The following PLA2G4A variants were observed in gnomAD, a reference collection of about 807,000 sequenced individuals.
PLA2G4A encodes the protein cytosolic phospholipase A2.
Under a neutral mutation model 81.9 loss-of-function variants are expected in PLA2G4A, and 40 were observed. The ratio of observed to expected loss-of-function variants is 0.49; its 90% CI spans 0.38 to 0.64. The LOEUF (loss-of-function observed/expected upper bound fraction) is 0.64, where lower values mean the gene tolerates loss of function less well. Among genes scored for constraint, PLA2G4A ranks in the 30% least tolerant of loss-of-function variants. The pLI is 0.00. For missense variants in PLA2G4A, 715 were observed against 905.1 expected (o/e 0.79, Z 2.69); for synonymous variants, 302 against 296.9 (o/e 1.02, Z -0.18).
intron 3 of PLA2G4A, among the ~76,000 whole-genome samples, chr1:186,881,488 G>A (rs960772488): frequency 6.6e-6 from 1 of 151,914 alleles, no homozygotes; most frequent in African/African-American, 2.4e-5. Context: ...CAATTCCCAG[G>A]AATTGTCTTT....
chr1:186,863,765 T>A (rs1481109348), intron 2 of PLA2G4A, among the ~76,000 whole-genome samples: 39 of 144,960 alleles, frequency 2.7e-4, no homozygotes, highest in East Asian at 2.5e-3. Context: ...TATATAATTT[T>A]TTTTTTTTTT....
chr1:186,904,917 C>T (rs754885785), intron 5 of PLA2G4A, among the ~76,000 whole-genome samples: 4 of 152,014 alleles, frequency 2.6e-5, no homozygotes, highest in African/African-American at 9.7e-5. Flanking sequence ...TACAGTGGCG[C>T]GATCTCAGCT....
chr1:186,834,192 G>C (rs1651696426), intron 1 of PLA2G4A, among the ~76,000 whole-genome samples: 1 of 151,442 alleles, frequency 6.6e-6, no homozygotes, highest in African/African-American at 2.4e-5. Flanking sequence ...TTTACAAGCT[G>C]TTTTCTCACT....
At position 186,939,230 on chromosome 1, in the gene PLA2G4A, T is replaced by G; in HGVS notation, c.918T>G (p.Asn306Lys). 7.1e-7 allele frequency: 1 copy of G among 1,413,610 alleles called. No homozygotes were observed. The highest frequency in any genetic ancestry group is 1.1e-5 in the South Asian group (1 of 87,060). The allele number at this position is 1,413,610 out of a possible 1,614,324, so 87.6% of individuals were successfully genotyped here. A position where few individuals can be genotyped will look rare whatever the true frequency, so the allele number is the denominator to read the frequency against. Residue 306 changes from asparagine (N) to lysine (K), a missense_variant and splice_region_variant, in exon 9 of 18, where the codon AAT (asparagine) becomes AAG (lysine). By Grantham distance (94) the Asn-to-Lys change is moderately conservative. Coordinates refer to ENST00000367466, the MANE Select transcript of PLA2G4A (RefSeq NM_024420.3). ...GMLIGETLIH[N>K]RMNTTLSSLK... ...TAATAGGAGAAACACTAATTCATAA[T>G]GTAAGTTACAGTTCAATCTACACTG...
At chr1:186,952,770 C>G (rs866722504) in intron 13 of PLA2G4A, among the ~76,000 whole-genome samples, 23 of 114,086 alleles carry the variant, frequency 2.0e-4, no homozygotes, top group African/African-American at 7.5e-4. Context: ...CATAGTTTTG[C>G]CTTTTCCAGA....
intron 7 of PLA2G4A, among the ~76,000 whole-genome samples, chr1:186,924,541 A>G (rs899511423): frequency 6.6e-6 from 1 of 151,964 alleles, no homozygotes; most frequent in African/African-American, 2.4e-5. Flanking sequence ...TCCTCAAGTC[A>G]TAGTCCTAGG....
intron 14 of PLA2G4A, among the ~76,000 whole-genome samples, chr1:186,959,160 G>T (rs1386420612): frequency 1.3e-5 from 2 of 151,194 alleles, no homozygotes. Flanking sequence ...AATGTGCTTG[G>T]TTCTGCACTC....
chr1:186,839,610 G>A (rs1651905822), intron 1 of PLA2G4A, among the ~76,000 whole-genome samples: 1 of 152,118 alleles, frequency 6.6e-6, no homozygotes, highest in Non-Finnish European at 1.5e-5. Context: ...GCTACTCAAA[G>A]GTAGAGGCAA....
At position 186,893,493 on chromosome 1, in the gene PLA2G4A, T is replaced by A. The variant is rs570217658; in HGVS notation, c.264+334T>A. ...TGAAAATTAATTTTTCCCAAAATAT[T>A]TGTATCGATTTTCTGCATTAATATC... On this transcript the variant is annotated intron_variant, in intron 4 of 17. Transcript: ENST00000367466. Among the ~76,000 whole-genome samples the A allele has an allele frequency of 4.6e-5, 7 of 152,336 alleles. No homozygotes were observed. The South Asian group carries it at 1.4e-3, about 32-fold the overall frequency.
At chr1:186,862,035 TA>T (rs1652822314) in intron 2 of PLA2G4A, among the ~76,000 whole-genome samples, 1 of 150,228 alleles carries the variant, frequency 6.7e-6, no homozygotes, top group Non-Finnish European at 1.5e-5. Context: ...GTAGAAATAA[TA>T]AAAATATTGA....
At chr1:186,880,172 T>C (rs1653676243) in intron 3 of PLA2G4A, among the ~76,000 whole-genome samples, 1 of 152,028 alleles carries the variant, frequency 6.6e-6, no homozygotes, top group Non-Finnish European at 1.5e-5. Flanking sequence ...TGAAATGGGC[T>C]TAAATAACCC....
Position 186,878,371 on chromosome 1 carries a change from G to T in PLA2G4A, c.115+7855G>T, listed in dbSNP as rs182559078. Among the ~76,000 whole-genome samples the T allele has an allele frequency of 3.5e-5, 5 of 142,898 alleles. No individual in the cohort carries two copies. In the Admixed American group the frequency reaches 3.6e-4, roughly 10 times the overall value. The allele number at this position is 142,898 out of a possible 152,430, so 93.7% of individuals were successfully genotyped here. On this transcript the variant is annotated intron_variant, in intron 3 of 17. Coordinates refer to ENST00000367466, the MANE Select transcript of PLA2G4A (RefSeq NM_024420.3). ...ATATATATATAAATATATCTTTTCTGATATAAATATTTCCTTAAATCAGTC... is the reference window on the plus strand; with the variant it reads ...ATATATATATAAATATATCTTTTCTTATATAAATATTTCCTTAAATCAGTC...
At chr1:186,894,950 G>C (rs1354839285) in intron 5 of PLA2G4A, among the ~76,000 whole-genome samples, 2 of 152,110 alleles carry the variant, frequency 1.3e-5, no homozygotes, top group South Asian at 4.1e-4. Context: ...ATTTCTTGTT[G>C]TTGGGAGAGA....
intron 5 of PLA2G4A, among the ~76,000 whole-genome samples, chr1:186,894,709 G>A (rs991574173): frequency 6.6e-6 from 1 of 152,166 alleles, no homozygotes. Context: ...GGACAAAGCA[G>A]TGAAAGGCCA....
Position 186,988,421 on chromosome 1 carries a change from G to T in PLA2G4A, c.2163G>T (p.Gln721His), listed in dbSNP as rs1370506795. Residue 721 changes from glutamine to histidine, a missense_variant, in exon 18 of 18, where the codon CAG (glutamine) becomes CAT (histidine). Transcript: ENST00000367466. ...AMVESIEYRR[Q>H]NPSRCSVSLS... ...TTGAAAGCATTGAATATAGAAGACA[G>T]AATCCATCTCGTTGCTCTGTTTCCC... is the stretch of plus-strand genomic sequence containing the variant. 9 of 1,611,538 alleles carry T rather than the reference G, an allele frequency of 5.6e-6. No individual in the cohort carries two copies. In the South Asian group the frequency reaches 9.9e-5, roughly 18 times the overall value.
At chr1:186,974,255 A>G (rs1220250285) in intron 15 of PLA2G4A, among the ~76,000 whole-genome samples, 1 of 152,100 alleles carries the variant, frequency 6.6e-6, no homozygotes, top group East Asian at 1.9e-4. Context: ...CCTCTCCTTC[A>G]AGTCTTCTTA....
chr1:186,834,562 G>T (rs1009746144), intron 1 of PLA2G4A, among the ~76,000 whole-genome samples: 15 of 152,032 alleles, frequency 9.9e-5, no homozygotes, highest in Non-Finnish European at 2.2e-4. Context: ...CCTGGTGCGT[G>T]TTTCCATAAT....
chr1:186,864,561 GC>G (rs1652943504), intron 2 of PLA2G4A, among the ~76,000 whole-genome samples: 1 of 151,262 alleles, frequency 6.6e-6, no homozygotes, highest in Non-Finnish European at 1.5e-5. Flanking sequence ...GTGATGTTGA[GC>G]ATTTTTTCAT....
Position 186,988,508 on chromosome 1 carries a change from G to A in PLA2G4A, c.2250G>A (p.Ter750=). The part of the protein sequence containing the change: ...NKEFLSKPKA[*] ...AGTTTCTAAGTAAACCCAAAGCATAGTTCATGTACTGGAAATGGCAGCAGT... is the reference window on the plus strand; with the variant it reads ...AGTTTCTAAGTAAACCCAAAGCATAATTCATGTACTGGAAATGGCAGCAGT... Residue 750 remains the stop codon, a stop_retained_variant, in exon 18 of 18, where the codon TAG becomes TAA. Transcript: ENST00000367466. 1.2e-6 allele frequency: 2 copies of A among 1,610,988 alleles called. No homozygotes were observed. Among genetic ancestry groups the A allele is most frequent in the Non-Finnish European group, 1.7e-6 (2 of 1,178,120 alleles).
Sources: gnomAD v4.1 joint callset for allele counts (sites outside exome capture counted in the v4.1 genomes callset) on GRCh38, gnomAD v4.1.1 for gene constraint, MANE v1.5 for transcripts, NCBI Gene and HGNC (gene_info 2026-07-23, HGNC 2026-07-21) for gene names.